KANSL3: variants seen among roughly 807,000 people sequenced by gnomAD.
KANSL3 encodes KAT8 regulatory NSL complex subunit 3.
A neutral mutation model predicts 89.2 loss-of-function variants in KANSL3; 16 were observed. The ratio of observed to expected loss-of-function variants is 0.18; its 90% CI spans 0.12 to 0.27. The LOEUF is 0.27. KANSL3 is among the 10% of genes least tolerant of loss of function. KANSL3 has a pLI of 1.00. For missense variants in KANSL3, 879 were observed against 1,110.6 expected (o/e 0.79, Z 2.96); for synonymous variants, 385 against 419.7 (o/e 0.92, Z 1.01).
At chr2:96,622,997 T>C (rs562807848) in intron 3 of KANSL3, among the ~76,000 whole-genome samples, 2 of 152,234 alleles carry the variant, frequency 1.3e-5, no homozygotes, top group Non-Finnish European at 2.9e-5. Flanking sequence ...TTTCCAGCCA[T>C]ACCACTACCT....
chr2:96,622,380 C>G (rs2071468956), intron 3 of KANSL3, among the ~76,000 whole-genome samples: 1 of 151,208 alleles, frequency 6.6e-6, no homozygotes, highest in Non-Finnish European at 1.5e-5. Context: ...TATGATCATG[C>G]CACGGGGCGA....
At chr2:96,615,686 AT>A in intron 5 of KANSL3, 1 of 363,232 alleles carries the variant, frequency 2.8e-6, no homozygotes, top group South Asian at 2.1e-5. Context: ...GTTGCTCTTA[AT>A]TTAAAAACAG....
At position 96,613,681 on chromosome 2, in the gene KANSL3, A is replaced by C. The variant is rs542738240; in HGVS notation, c.664-62T>G. 3.9e-6 allele frequency: 6 copies of C among 1,523,228 alleles called. No individual in the cohort carries two copies. In the Admixed American group the frequency reaches 7.2e-5, roughly 18 times the overall value. The allele number at this position is 1,523,228 out of a possible 1,614,324, so 94.4% of individuals were successfully genotyped here. A position where few individuals can be genotyped will look rare whatever the true frequency, so the allele number is the denominator to read the frequency against. The stretch of plus-strand genomic sequence containing the variant: ...AAGCAGGAGACCTTCCACCACCAGC[A>C]ATCAAGCAGAAGAACAGAGCCCCAC... On this transcript the variant is annotated intron_variant, in intron 5 of 20. Coordinates refer to ENST00000431828, the MANE Select transcript of KANSL3 (RefSeq NM_001115016.3).
In KANSL3 at chr2:96,613,612, G is replaced by T. The variant is rs1314450878; in HGVS notation, c.671C>A (p.Thr224Asn). 1.2e-6 allele frequency: 2 copies of T among 1,612,270 alleles called. No individual in the cohort carries two copies. Among genetic ancestry groups the T allele is most frequent in the African/African-American group, 2.7e-5 (2 of 74,738 alleles). Residue 224 changes from threonine to asparagine, a missense_variant, in exon 6 of 21, where the codon ACC becomes AAC. Transcript: ENST00000431828. Reference sequence around the variant, plus strand: ...TGACACAAGCATCCGGTCAATCAAGGTTGGGATCTACAAAGAAGAAAGAGC... The same window carrying T: ...TGACACAAGCATCCGGTCAATCAAGTTTGGGATCTACAAAGAAGAAAGAGC... ...ALQTLKGKIPTLIDRMLVSSN... is the reference protein window; with the variant it reads ...ALQTLKGKIPNLIDRMLVSSN...
At chr2:96,631,813 G>A (rs1198598147) in intron 2 of KANSL3, among the ~76,000 whole-genome samples, 3 of 151,950 alleles carry the variant, frequency 2.0e-5, no homozygotes, top group African/African-American at 4.8e-5. Flanking sequence ...TTGGGAAGCC[G>A]AGGCAGGTGG....
At position 96,613,602 on chromosome 2, in the gene KANSL3, G is replaced by A. The variant is rs1040120750; in HGVS notation, c.681C>T (p.Asp227=). ...TLKGKIPTLI[D]RMLVSSNTKT... ...TTGTGTTGGATGACACAAGCATCCG[G>A]TCAATCAAGGTTGGGATCTACAAAG... The change falls in exon 6 of 21, where the codon GAC becomes GAT. Residue 227 remains aspartate (D), a synonymous_variant. Coordinates refer to ENST00000431828, the MANE Select transcript of KANSL3 (RefSeq NM_001115016.3). 6.2e-7 allele frequency: 1 copy of A among 1,612,632 alleles called. No individual in the cohort carries two copies.
chr2:96,609,117 G>C (rs2068459387), intron 12 of KANSL3, 53 bp from the exon 13 acceptor site: 1 of 1,454,020 alleles, frequency 6.9e-7, no homozygotes, highest in Non-Finnish European at 9.4e-7. Flanking sequence ...TGGAGAATGG[G>C]AACCTCTCAT....
chr2:96,609,071 T>A lies in KANSL3; in HGVS notation c.1384-7A>T. The stretch of plus-strand genomic sequence containing the variant: ...GAAAGTCCACAATCTCATCCTAGTG[T>A]AGAGAGGAGCCAACCAAGGCCTTTT... On this transcript the variant is annotated splice_region_variant and splice_polypyrimidine_tract_variant and intron_variant, in intron 12 of 20. Coordinates refer to ENST00000431828, the MANE Select transcript of KANSL3 (RefSeq NM_001115016.3). The A allele has an allele frequency of 6.4e-7, 1 of 1,554,414 alleles. No homozygotes were observed. Among genetic ancestry groups the A allele is most frequent in the Non-Finnish European group, 8.7e-7 (1 of 1,148,470 alleles).
At chr2:96,615,402 G>T in intron 5 of KANSL3, 1 of 596,908 alleles carries the variant, frequency 1.7e-6, no homozygotes, top group Non-Finnish European at 2.7e-6. Flanking sequence ...TATATACAGT[G>T]TACTTTATCT....
At position 96,595,583 on chromosome 2, in the gene KANSL3, G is replaced by C; in HGVS notation, c.*28C>G. On this transcript the variant is annotated 3_prime_UTR_variant, in exon 21 of 21. Transcript: ENST00000431828. Reference sequence around the variant, plus strand: ...ACCATGAGGCAGCCATCACCAACTTGGTAAGGAGGACATATCACACAGCAT... The same window carrying C: ...ACCATGAGGCAGCCATCACCAACTTCGTAAGGAGGACATATCACACAGCAT... The C allele has an allele frequency of 6.2e-7, 1 of 1,613,314 alleles. No individual in the cohort carries two copies. The highest frequency in any genetic ancestry group is 1.1e-5 in the South Asian group (1 of 90,874).
At chr2:96,615,479 T>A (rs2069889402) in intron 5 of KANSL3, 1 of 1,273,016 alleles carries the variant, frequency 7.9e-7, no homozygotes, top group South Asian at 1.3e-5. Flanking sequence ...GTTTCAGACA[T>A]GTTGATGCTT....
At chr2:96,621,297 C>T (rs540154509) in intron 3 of KANSL3, among the ~76,000 whole-genome samples, 4 of 152,086 alleles carry the variant, frequency 2.6e-5, no homozygotes, top group Admixed American at 6.6e-5. Flanking sequence ...GGGTGGATCA[C>T]GAGATCAGGA....
chr2:96,601,611 C>A, intron 20 of KANSL3, 32 bp downstream of exon 20: 1 of 1,607,860 alleles, frequency 6.2e-7, no homozygotes, highest in Admixed American at 1.7e-5. Context: ...AATAATGAAG[C>A]CCATGTCCTC....
intron 3 of KANSL3, among the ~76,000 whole-genome samples, chr2:96,630,434 T>C (rs2073173702): frequency 6.6e-6 from 1 of 152,232 alleles, no homozygotes; most frequent in African/African-American, 2.4e-5. Context: ...AGACCACATA[T>C]TGCATGATTC....
downstream of KANSL3, among the ~76,000 whole-genome samples, chr2:96,590,070 T>C (rs966876930): frequency 2.0e-5 from 3 of 151,752 alleles, no homozygotes; most frequent in African/African-American, 4.8e-5. Context: ...TGAGGCAGAA[T>C]TGCTTGAACC....
intron 5 of KANSL3, among the ~76,000 whole-genome samples, chr2:96,617,144 C>A (rs770064649): frequency 6.6e-6 from 1 of 152,196 alleles, no homozygotes; most frequent in African/African-American, 2.4e-5. Context: ...TACCTGCCCA[C>A]CACTCACCTC....
At position 96,631,758 on chromosome 2, in the gene KANSL3, A is replaced by C. The variant is rs185564349; in HGVS notation, c.216-276T>G. On this transcript the variant is annotated intron_variant, in intron 2 of 20. Transcript: ENST00000431828. Reference sequence around the variant, plus strand: ...TAAACATCTATTTTTTTTTTAAGATAAATATGGGCCAGGTGCACTGGCTCA... The same window carrying C: ...TAAACATCTATTTTTTTTTTAAGATCAATATGGGCCAGGTGCACTGGCTCA... Among the ~76,000 whole-genome samples, 17 of 152,104 alleles carry C rather than the reference A, an allele frequency of 1.1e-4. No individual in the cohort carries two copies. In the East Asian group the frequency reaches 1.5e-3, roughly 14 times the overall value.
chr2:96,635,814 G>A (rs1451937032), intron 2 of KANSL3, among the ~76,000 whole-genome samples: 1 of 151,994 alleles, frequency 6.6e-6, no homozygotes, highest in East Asian at 1.9e-4. Context: ...CATGGTGGGT[G>A]GAAACCCTGT....
In KANSL3 at chr2:96,612,373, A is replaced by C; in HGVS notation, c.1015-20T>G. 4 of 1,609,816 alleles carry C rather than the reference A, an allele frequency of 2.5e-6. No individual in the cohort carries two copies. Among genetic ancestry groups the C allele is most frequent in the Non-Finnish European group, 3.4e-6 (4 of 1,176,070 alleles). ...GTGAATCTTCATGGGAAGAGAAAGA[A>C]GACAGTAAGACAGGAGGCCAAAGAT... On this transcript the variant is annotated intron_variant, in intron 8 of 20. Transcript: ENST00000431828.
Sources: gnomAD v4.1 joint callset for allele counts (sites outside exome capture counted in the v4.1 genomes callset) on GRCh38, gnomAD v4.1.1 for gene constraint, MANE v1.5 for transcripts, NCBI Gene and HGNC (gene_info 2026-07-23, HGNC 2026-07-21) for gene names.